SLC9A8: variants seen among roughly 807,000 people sequenced by gnomAD.
SLC9A8 encodes sodium/hydrogen exchanger 8.
SLC9A8 carries 48 observed loss-of-function variants against 66.6 expected under a neutral mutation model. The ratio of observed to expected loss-of-function variants is 0.72; its 90% CI spans 0.57 to 0.92. SLC9A8 has a LOEUF of 0.92. Ranked by LOEUF, SLC9A8 falls within the 40% of genes least tolerant of loss-of-function variation. SLC9A8 has a pLI of 0.00. For synonymous variants in SLC9A8, 274 were observed against 282.6 expected (o/e 0.97, Z 0.31); for missense variants, 599 against 747.3 (o/e 0.80, Z 2.31).
chr20:49,858,960 A>G (rs1399239611), intron 8 of SLC9A8, among the ~76,000 whole-genome samples: 1 of 146,514 alleles, frequency 6.8e-6, no homozygotes, highest in Non-Finnish European at 1.5e-5. Flanking sequence ...TGTCTCAAAA[A>G]AAAAAAAAAG....
In SLC9A8 at chr20:49,825,986, G is replaced by A. The variant is rs569406973; in HGVS notation, c.289+2845G>A. 1.1e-4 allele frequency among the ~76,000 whole-genome samples: 17 copies of A among 152,332 alleles called. No individual in the cohort carries two copies. The South Asian group carries it at 3.5e-3, about 32-fold the overall frequency. Reference sequence around the variant, plus strand: ...ACCTCAACTGGGAGTGGGGTGGAATGGTGTTGGGAGTCAGCCAGAGCTCTC... The same window carrying A: ...ACCTCAACTGGGAGTGGGGTGGAATAGTGTTGGGAGTCAGCCAGAGCTCTC... On this transcript the variant is annotated intron_variant, in intron 3 of 15. Coordinates refer to ENST00000361573, the MANE Select transcript of SLC9A8 (RefSeq NM_015266.3).
chr20:49,838,235 G>A (rs1390785151), intron 3 of SLC9A8, among the ~76,000 whole-genome samples: 2 of 152,142 alleles, frequency 1.3e-5, no homozygotes, highest in Non-Finnish European at 2.9e-5. Flanking sequence ...AGGGGCTTTT[G>A]TCTTATTTAT....
intron 3 of SLC9A8, among the ~76,000 whole-genome samples, chr20:49,831,333 C>T (rs144235955): frequency 8.4e-4 from 128 of 152,182 alleles, no homozygotes; most frequent in African/African-American, 2.8e-3. Context: ...GGCCTCCACA[C>T]GAGGAGGTGG....
chr20:49,884,767 A>T (rs1281286092), intron 14 of SLC9A8, among the ~76,000 whole-genome samples: 1 of 151,580 alleles, frequency 6.6e-6, no homozygotes, highest in African/African-American at 2.4e-5. Flanking sequence ...CAGCCTGCCC[A>T]CCTCTTCTTC....
chr20:49,831,402 ACTCTCTCTCTCT>A (rs11469884), intron 3 of SLC9A8, among the ~76,000 whole-genome samples: 18 of 142,828 alleles, frequency 1.3e-4, no homozygotes, highest in African/African-American at 3.1e-4. Flanking sequence ...ACACACACAC[ACTCTCTCTCTCT>A]CTCTCTCTCT....
Position 49,883,895 on chromosome 20 carries a change from GC to G in SLC9A8, c.1323del (p.Met442TrpfsTer94). The G allele has an allele frequency of 6.2e-7, 1 of 1,610,294 alleles. No individual in the cohort carries two copies. Among genetic ancestry groups the G allele is most frequent in the Non-Finnish European group, 8.5e-7 (1 of 1,179,984 alleles). Reference protein sequence around the residue: ...YALSLHLDLEPMEKRQLIGTT... With the variant: ...YALSLHLDLEXMEKRQLIGTT... ...CCCTGAGCCTACACCTGGACCTGGA[GC>G]CCATGGAGAAGCGGCAGCTCATCGG... On this transcript the variant is annotated frameshift_variant, in exon 14 of 16. Coordinates refer to ENST00000361573, the MANE Select transcript of SLC9A8 (RefSeq NM_015266.3). LOFTEE classifies it high-confidence loss of function.
chr20:49,834,706 A>T (rs1041551528), intron 3 of SLC9A8, among the ~76,000 whole-genome samples: 4 of 152,040 alleles, frequency 2.6e-5, no homozygotes, highest in Admixed American at 1.3e-4. Context: ...GCTTCCTAGT[A>T]CATCATAAAT....
intron 5 of SLC9A8, among the ~76,000 whole-genome samples, chr20:49,845,828 T>TTA (rs1367196238): frequency 7.5e-5 from 11 of 147,544 alleles, no homozygotes; most frequent in Non-Finnish European, 9.0e-5. Context: ...GTGTGAGATG[T>TTA]TTTTTTTTTT....
At chr20:49,813,579 T>C (rs1357627601) in intron 1 of SLC9A8, among the ~76,000 whole-genome samples, 2 of 152,250 alleles carry the variant, frequency 1.3e-5, no homozygotes, top group African/African-American at 4.8e-5. Flanking sequence ...GTGGGAGTTA[T>C]TTATATCCTA....
chr20:49,871,645 T>G (rs2089210643), intron 10 of SLC9A8, among the ~76,000 whole-genome samples: 1 of 152,186 alleles, frequency 6.6e-6, no homozygotes, highest in Non-Finnish European at 1.5e-5. Context: ...AGGCAGATAC[T>G]TGAGCCATCC....
chr20:49,883,745 C>A (rs2089716642), intron 13 of SLC9A8, 101 bp from the exon 14 acceptor site: 3 of 884,476 alleles, frequency 3.4e-6, no homozygotes, highest in African/African-American at 3.3e-5. Flanking sequence ...TTAGAATAGT[C>A]AGCTGGTCGT....
rs2087137783 is a variant in SLC9A8 at position 49,830,649 on chromosome 20, G to A, written c.289+7508G>A. ...GGTGATCTTAGCAGCTGGAGACAGG[G>A]GCCTATAGGAGGACTGCAGCAGCTG... On this transcript the variant is annotated intron_variant, in intron 3 of 15. Transcript: ENST00000361573. The A allele has an allele frequency of 4.1e-5, 26 of 635,968 alleles. No individual in the cohort carries two copies. In the South Asian group the frequency reaches 4.7e-4, roughly 12 times the overall value. The allele number at this position is 635,968 out of a possible 1,614,324, so 39.4% of individuals were successfully genotyped here. A position where few individuals can be genotyped will look rare whatever the true frequency, so the allele number is the denominator to read the frequency against.
intron 7 of SLC9A8, among the ~76,000 whole-genome samples, chr20:49,852,206 GA>G (rs1378641944): frequency 3.3e-5 from 5 of 152,226 alleles, no homozygotes; most frequent in Admixed American, 1.3e-4. Context: ...GCCAGTGGGA[GA>G]ACACACCCTG....
intron 8 of SLC9A8, among the ~76,000 whole-genome samples, chr20:49,859,903 A>G (rs989610456): frequency 2.0e-5 from 3 of 152,218 alleles, no homozygotes; most frequent in African/African-American, 7.2e-5. Flanking sequence ...GAAAATTACC[A>G]GGCCAGAAAG....
At chr20:49,847,905 C>CTTTT (rs2088066343) in intron 5 of SLC9A8, among the ~76,000 whole-genome samples, 1 of 67,532 alleles carries the variant, frequency 1.5e-5, no homozygotes, top group Non-Finnish European at 2.7e-5. Flanking sequence ...ACTGATTAAT[C>CTTTT]TGTTTTTTTT....
intron 3 of SLC9A8, among the ~76,000 whole-genome samples, chr20:49,825,230 A>T (rs55661369): frequency 0.24 from 36,888 of 152,132 alleles, 4,702 homozygotes; most frequent in Non-Finnish European, 0.29. Flanking sequence ...AAGAAAAAAA[A>T]CCAAAACCAA....
At chr20:49,831,019 C>A in intron 3 of SLC9A8, 1 of 739,496 alleles carries the variant, frequency 1.4e-6, no homozygotes, top group South Asian at 1.3e-5. Context: ...ACCAGGTGTA[C>A]AAAAGAGCCA....
At chr20:49,873,474 CCT>C (rs1236707982) in intron 10 of SLC9A8, among the ~76,000 whole-genome samples, 1 of 131,420 alleles carries the variant, frequency 7.6e-6, no homozygotes, top group African/African-American at 2.9e-5. Context: ...AACGCGAAAC[CCT>C]GTCTCCAAAA....
intron 3 of SLC9A8, among the ~76,000 whole-genome samples, chr20:49,838,869 A>G (rs886669197): frequency 6.6e-6 from 1 of 152,180 alleles, no homozygotes; most frequent in African/African-American, 2.4e-5. Flanking sequence ...AAAAGTTCCC[A>G]TGGTGATTCT....
Sources: allele counts gnomAD v4.1 joint callset (sites outside exome capture counted in the v4.1 genomes callset), GRCh38; gene constraint gnomAD v4.1.1; transcripts MANE v1.5; gene names NCBI Gene and HGNC (gene_info 2026-07-23, HGNC 2026-07-21).